The following CARMIL1 variants were observed in gnomAD, a reference collection of about 807,000 sequenced individuals.
The protein encoded by CARMIL1 is capping protein regulator and myosin 1 linker 1, also known as F-actin-uncapping protein LRRC16A.
A neutral mutation model predicts 177.1 loss-of-function variants in CARMIL1; 90 were observed. That is an observed-to-expected ratio of 0.51 (90% CI 0.43 to 0.61). CARMIL1 has a LOEUF of 0.61. Among genes scored for constraint, CARMIL1 ranks in the 20% least tolerant of loss-of-function variants. The pLI, the probability that CARMIL1 is intolerant of heterozygous loss-of-function variation, is 0.00. For synonymous variants in CARMIL1, 577 were observed against 606.2 expected (o/e 0.95, Z 0.71); for missense variants, 1,380 against 1,667.0 (o/e 0.83, Z 3.00).
intron 2 of CARMIL1, among the ~76,000 whole-genome samples, chr6:25,292,813 T>TG (rs888525726): frequency 3.3e-5 from 5 of 151,870 alleles, no homozygotes; most frequent in African/African-American, 9.7e-5. Context: ...AGGTAAGTGA[T>TG]GGGGGGGAGT....
At chr6:25,350,060 C>T (rs558246738) in intron 2 of CARMIL1, among the ~76,000 whole-genome samples, 33 of 152,220 alleles carry the variant, frequency 2.2e-4, no homozygotes, top group African/African-American at 7.0e-4. Context: ...AATGGAAATG[C>T]CTCGGGGGAC....
At chr6:25,472,595 G>A (rs1322256653) in intron 11 of CARMIL1, 74 bp downstream of exon 11, 3 of 1,220,496 alleles carry the variant, frequency 2.5e-6, no homozygotes, top group Non-Finnish European at 1.2e-6. Context: ...AGCCATGCCT[G>A]AAGAGCTGTA....
chr6:25,370,502 A>C (rs1015781638), intron 2 of CARMIL1, among the ~76,000 whole-genome samples: 10 of 152,370 alleles, frequency 6.6e-5, no homozygotes, highest in Admixed American at 3.3e-4. Context: ...AGACGTGGAA[A>C]ATAATTGTAA....
In CARMIL1 at chr6:25,515,877, A is replaced by G. The variant is rs1805940688; in HGVS notation, c.1805+30A>G. On this transcript the variant is annotated intron_variant, in intron 21 of 36. Coordinates refer to ENST00000329474, the MANE Select transcript of CARMIL1 (RefSeq NM_017640.6). This position sits in a 1 kb window ranked among gnomAD's most constrained non-coding sequence, Gnocchi z 5.0. Reference sequence around the variant, plus strand: ...GCAGATCCCACCCTCCCTGCTCATGAGGAAGGCTTGGAGCAGATTCCGAAC... The same window carrying G: ...GCAGATCCCACCCTCCCTGCTCATGGGGAAGGCTTGGAGCAGATTCCGAAC... 1 of 1,568,896 alleles carries G rather than the reference A, an allele frequency of 6.4e-7. No homozygotes were observed. Among genetic ancestry groups the G allele is most frequent in the Non-Finnish European group, 8.6e-7 (1 of 1,156,936 alleles).
At chr6:25,340,728 C>G (rs981170713) in intron 2 of CARMIL1, among the ~76,000 whole-genome samples, 2 of 138,334 alleles carry the variant, frequency 1.4e-5, no homozygotes, top group Non-Finnish European at 3.0e-5. Context: ...GATAGTGGGT[C>G]AGTAGAAGAA....
At chr6:25,303,537 T>C (rs1783031012) in intron 2 of CARMIL1, among the ~76,000 whole-genome samples, 1 of 152,248 alleles carries the variant, frequency 6.6e-6, no homozygotes, top group Non-Finnish European at 1.5e-5. Context: ...CTTAGAACCT[T>C]TGGTATTCAT....
At chr6:25,486,462 G>A (rs1470516960) in intron 12 of CARMIL1, among the ~76,000 whole-genome samples, 1 of 152,074 alleles carries the variant, frequency 6.6e-6, no homozygotes, top group African/African-American at 2.4e-5. Context: ...ATTGAGTTTT[G>A]TTATACCTCA....
At chr6:25,424,159 C>T (rs1008666423) in intron 3 of CARMIL1, among the ~76,000 whole-genome samples, 7 of 152,298 alleles carry the variant, frequency 4.6e-5, no homozygotes, top group Admixed American at 6.5e-5. Context: ...ATTACTAATA[C>T]TGCAGGATCT....
chr6:25,489,095 G>A (rs1351536604), intron 13 of CARMIL1, among the ~76,000 whole-genome samples: 4 of 152,092 alleles, frequency 2.6e-5, no homozygotes, highest in African/African-American at 7.2e-5. Flanking sequence ...AACCCTGGAG[G>A]CGGAGGTTGT....
At chr6:25,371,675 T>C (rs1790442884) in intron 2 of CARMIL1, among the ~76,000 whole-genome samples, 2 of 152,242 alleles carry the variant, frequency 1.3e-5, no homozygotes, top group Admixed American at 1.3e-4. Context: ...CTTTGTAGGA[T>C]GCATAGTTTG....
At chr6:25,283,724 T>C (rs1168291043) in intron 1 of CARMIL1, among the ~76,000 whole-genome samples, 2 of 152,036 alleles carry the variant, frequency 1.3e-5, no homozygotes, top group African/African-American at 4.8e-5. Context: ...CTTATTTTTA[T>C]TTTTTTGAGA....
chr6:25,305,758 A>T (rs894145885), intron 2 of CARMIL1, among the ~76,000 whole-genome samples: 4 of 152,194 alleles, frequency 2.6e-5, no homozygotes, highest in Non-Finnish European at 4.4e-5. Context: ...GGGGACTGGG[A>T]GAGAACTGAC....
In CARMIL1 at chr6:25,452,822, A is replaced by G. The variant is rs141598848; in HGVS notation, c.614+2111A>G. On this transcript the variant is annotated intron_variant, in intron 8 of 36. Transcript: ENST00000329474. Reference sequence around the variant, plus strand: ...CCTTAAAGATGTGTAGTTAGGAAGTATTTTCAATAGCCTTTTCACATAATT... The same window carrying G: ...CCTTAAAGATGTGTAGTTAGGAAGTGTTTTCAATAGCCTTTTCACATAATT... Among the ~76,000 whole-genome samples, 7 of 152,340 alleles carry G rather than the reference A, an allele frequency of 4.6e-5. No homozygotes were observed. The East Asian group carries it at 1.3e-3, about 29-fold the overall frequency.
chr6:25,411,976 G>A (rs1478897051), intron 2 of CARMIL1, among the ~76,000 whole-genome samples: 1 of 152,030 alleles, frequency 6.6e-6, no homozygotes, highest in African/African-American at 2.4e-5. Context: ...AAGTGACTTT[G>A]AGACCTGTTC....
At chr6:25,341,401 G>C (rs1280792011) in intron 2 of CARMIL1, among the ~76,000 whole-genome samples, 3 of 152,224 alleles carry the variant, frequency 2.0e-5, no homozygotes, top group Non-Finnish European at 4.4e-5. Flanking sequence ...TTTAACTCCT[G>C]TTGTCTATCT....
chr6:25,316,548 A>AT, intron 2 of CARMIL1, among the ~76,000 whole-genome samples: 1 of 152,010 alleles, frequency 6.6e-6, no homozygotes, highest in South Asian at 2.1e-4. Context: ...AGTAGCTGGA[A>AT]TTACAGGCGC....
intron 2 of CARMIL1, among the ~76,000 whole-genome samples, chr6:25,357,080 T>TG (rs1457397346): frequency 6.6e-6 from 1 of 151,838 alleles, no homozygotes. Context: ...CATTGTGTTT[T>TG]TTTTTTTTTT....
intron 29 of CARMIL1, among the ~76,000 whole-genome samples, chr6:25,565,716 G>A (rs1280049621): frequency 2.6e-5 from 4 of 152,092 alleles, no homozygotes; most frequent in South Asian, 2.1e-4. Flanking sequence ...GTGATGGCAC[G>A]TGCCTGTAAT....
chr6:25,327,384 A>G (rs1364687964), intron 2 of CARMIL1, among the ~76,000 whole-genome samples: 3 of 152,240 alleles, frequency 2.0e-5, no homozygotes, highest in Non-Finnish European at 1.5e-5. Context: ...TTTGTAGCAT[A>G]GAGATCACTA....
Sources: gnomAD v4.1 joint callset for allele counts (sites outside exome capture counted in the v4.1 genomes callset) on GRCh38, gnomAD v4.1.1 for gene constraint, Gnocchi (gnomAD v3.1) non-coding constraint, MANE v1.5 for transcripts, NCBI Gene and HGNC (gene_info 2026-07-23, HGNC 2026-07-21) for gene names.